The following TCHP variants were observed in gnomAD, a reference collection of about 807,000 sequenced individuals.
The protein encoded by TCHP is trichoplein keratin filament-binding protein.
Under a neutral mutation model 88.7 loss-of-function variants are expected in TCHP, and 81 were observed. The observed-to-expected ratio is 0.91, with a 90% CI of 0.76 to 1.10. The LOEUF (loss-of-function observed/expected upper bound fraction) is 1.10. Ranked by LOEUF, TCHP falls within the 50% of genes least tolerant of loss-of-function variation. TCHP has a pLI of 0.00. For synonymous variants in TCHP, 232 were observed against 232.5 expected (o/e 1.00, Z 0.02); for missense variants, 641 against 632.1 (o/e 1.01, Z -0.15).
chr12:109,893,293 C>T, the TCHP span, among the ~76,000 whole-genome samples: 2 of 151,560 alleles, frequency 1.3e-5, no homozygotes, highest in Non-Finnish European at 2.9e-5. Flanking sequence ...ACAGGAGAAT[C>T]GCTTGCACCT....
At chr12:109,912,219 C>T (rs756908611) in intron 9 of TCHP, among the ~76,000 whole-genome samples, 21 of 152,234 alleles carry the variant, frequency 1.4e-4, no homozygotes, top group Non-Finnish European at 2.6e-4. Flanking sequence ...GCACTTACTG[C>T]ATGCTGGACA....
upstream of TCHP, among the ~76,000 whole-genome samples, chr12:109,899,715 C>T (rs1344764006): frequency 1.3e-5 from 2 of 152,204 alleles, no homozygotes; most frequent in African/African-American, 2.4e-5. Flanking sequence ...TTGAACACAC[C>T]TGGGGAATTT....
rs1870094083 is a variant in TCHP, at chr12:109,905,837, C to T, written c.457-735C>T. On this transcript the variant is annotated intron_variant, in intron 4 of 12. Coordinates refer to ENST00000405876, the MANE Select transcript of TCHP (RefSeq NM_001143852.2). This position sits in a 1 kb window ranked among gnomAD's most constrained non-coding sequence, Gnocchi z 4.0. Reference sequence around the variant, plus strand: ...TATTCAGAACATTCAAGTTAATTGCCTATGTTCACAGCTGTAAGTTGGGAA... The same window carrying T: ...TATTCAGAACATTCAAGTTAATTGCTTATGTTCACAGCTGTAAGTTGGGAA... 6.6e-6 allele frequency among the ~76,000 whole-genome samples: 1 copy of T among 152,124 alleles called. No homozygotes were observed. Among genetic ancestry groups the T allele is most frequent in the African/African-American group, 2.4e-5 (1 of 41,412 alleles).
chr12:109,887,114 T>G, the TCHP span, among the ~76,000 whole-genome samples: 1 of 152,208 alleles, frequency 6.6e-6, no homozygotes, highest in Non-Finnish European at 1.5e-5. Context: ...TCCTATAGTC[T>G]TCTATCCGTA....
chr12:109,894,384 C>T, the TCHP span, among the ~76,000 whole-genome samples: 3 of 150,340 alleles, frequency 2.0e-5, no homozygotes, highest in Non-Finnish European at 4.4e-5. Context: ...GGTGTGAACC[C>T]GGGAAGCCGA....
At chr12:109,900,151 C>T (rs1869691620), upstream of TCHP, 1 of 152,258 alleles carries the variant, frequency 6.6e-6, no homozygotes. Context: ...TCTTTGCCTC[C>T]ATGCTTCCCT....
chr12:109,907,268 A>G (rs11068866), intron 5 of TCHP, among the ~76,000 whole-genome samples: 43,327 of 152,140 alleles, frequency 0.28, 9,345 homozygotes, highest in African/African-American at 0.61. Flanking sequence ...GCTTACTGTA[A>G]CCCCTTTGGG....
At chr12:109,889,440 C>T in the TCHP span, among the ~76,000 whole-genome samples, 1 of 148,116 alleles carries the variant, frequency 6.8e-6, no homozygotes, top group Non-Finnish European at 1.5e-5. Context: ...TGCACTCCAG[C>T]CTGGGTGACA....
At chr12:109,909,036 C>T in intron 8 of TCHP, 99 bp downstream of exon 8, 2 of 1,160,064 alleles carry the variant, frequency 1.7e-6, no homozygotes, top group South Asian at 1.3e-5. Flanking sequence ...AGAATGAAGA[C>T]AGTGAGGGGT....
chr12:109,897,712 C>A (rs1042630995), upstream of TCHP, among the ~76,000 whole-genome samples: 10 of 152,172 alleles, frequency 6.6e-5, no homozygotes, highest in Middle Eastern at 6.8e-3. Flanking sequence ...TGCATGCCAC[C>A]ACACCTGGCT....
intron 8 of TCHP, among the ~76,000 whole-genome samples, 181 bp from the exon 9 acceptor site, chr12:109,910,882 C>T (rs1259227095): frequency 2.6e-5 from 4 of 152,206 alleles, no homozygotes; most frequent in Non-Finnish European, 5.9e-5. Context: ...AACCACCCCT[C>T]GTGATTATCC....
intron 1 of TCHP, among the ~76,000 whole-genome samples, chr12:109,902,376 G>A (rs1292688296): frequency 6.6e-6 from 1 of 152,016 alleles, no homozygotes; most frequent in Non-Finnish European, 1.5e-5. Context: ...GATGTGGCTG[G>A]TCTCCAACTC....
intron 1 of TCHP, among the ~76,000 whole-genome samples, chr12:109,901,308 T>C (rs1331422316): frequency 1.3e-5 from 2 of 152,248 alleles, no homozygotes; most frequent in Non-Finnish European, 2.9e-5. Flanking sequence ...TGTTTTTTAA[T>C]GCCTTACCTT....
chr12:109,891,256 C>T, the TCHP span, among the ~76,000 whole-genome samples: 1 of 152,134 alleles, frequency 6.6e-6, no homozygotes, highest in Non-Finnish European at 1.5e-5. Context: ...TTTAAACATC[C>T]TTCTCTATAG....
At chr12:109,894,703 T>C in the TCHP span, among the ~76,000 whole-genome samples, 1,899 of 139,188 alleles carry the variant, frequency 0.014, 28 homozygotes, top group Non-Finnish European at 0.014. Context: ...AGGCGGAGGT[T>C]GCAGTGAGCC....
chr12:109,904,841 G>C (rs750109649), intron 4 of TCHP, 48 bp downstream of exon 4: 7 of 1,549,072 alleles, frequency 4.5e-6, no homozygotes, highest in Non-Finnish European at 6.2e-6. Context: ...ATGAAATCAT[G>C]TTTCCAGACA....
rs1326979237 is a variant in TCHP at position 109,905,547 on chromosome 12, G to A, written c.456+754G>A. On this transcript the variant is annotated intron_variant, in intron 4 of 12. Coordinates refer to ENST00000405876, the MANE Select transcript of TCHP (RefSeq NM_001143852.2). This position sits in a 1 kb window ranked among gnomAD's most constrained non-coding sequence, Gnocchi z 4.0. Reference sequence around the variant, plus strand: ...GGCCTGAACTGGGCTGGCAGGGGAGGGGGTGGCCTCTTGGCTTGGTGGCCT... The same window carrying A: ...GGCCTGAACTGGGCTGGCAGGGGAGAGGGTGGCCTCTTGGCTTGGTGGCCT... Among the ~76,000 whole-genome samples the A allele has an allele frequency of 6.6e-6, 1 of 152,248 alleles. No individual in the cohort carries two copies. Among genetic ancestry groups the A allele is most frequent in the Non-Finnish European group, 1.5e-5 (1 of 68,042 alleles).
intron 8 of TCHP, 45 bp downstream of exon 8, chr12:109,908,982 T>TA: frequency 1.3e-6 from 2 of 1,582,860 alleles, no homozygotes; most frequent in East Asian, 2.2e-5. Context: ...GCCTCTTTTG[T>TA]AAAAAAGGCC....
intron 8 of TCHP, among the ~76,000 whole-genome samples, chr12:109,910,806 G>A (rs1028960135): frequency 6.6e-6 from 1 of 152,184 alleles, no homozygotes; most frequent in Non-Finnish European, 1.5e-5. Flanking sequence ...GTGTATCCGA[G>A]GGCATGTGGT....
Sources: allele counts gnomAD v4.1 joint callset (sites outside exome capture counted in the v4.1 genomes callset), GRCh38; gene constraint gnomAD v4.1.1; non-coding constraint Gnocchi (gnomAD v3.1); transcripts MANE v1.5; gene names NCBI Gene and HGNC (gene_info 2026-07-23, HGNC 2026-07-21).